Variants in PEX3 observed in about 807,000 individuals in gnomAD.
The protein encoded by PEX3 is peroxisomal biogenesis factor 3.
Under a neutral mutation model 55.8 loss-of-function variants are expected in PEX3, and 30 were observed. The observed-to-expected ratio is 0.54, with a 90% CI of 0.40 to 0.73. The LOEUF is 0.73. Among genes scored for constraint, PEX3 ranks in the 30% least tolerant of loss-of-function variants. The pLI is 0.00. For synonymous variants in PEX3, 135 were observed against 148.4 expected (o/e 0.91, Z 0.66); for missense variants, 351 against 432.8 (o/e 0.81, Z 1.68).
chr6:143,471,311 G>A lies in PEX3; in HGVS notation c.457-72G>A. 6 of 1,271,614 alleles carry A rather than the reference G, an allele frequency of 4.7e-6. No homozygotes were observed. Among genetic ancestry groups the A allele is most frequent in the Non-Finnish European group, 6.9e-6 (6 of 875,564 alleles). The allele number at this position is 1,271,614 out of a possible 1,614,324, so 78.8% of individuals were successfully genotyped here. A position where few individuals can be genotyped will look rare whatever the true frequency, so the allele number is the denominator to read the frequency against. On this transcript the variant is annotated intron_variant, in intron 5 of 11. Transcript: ENST00000367591. This position sits in a 1 kb window ranked among gnomAD's most constrained non-coding sequence, Gnocchi z 5.4. ...CAGATCTTGAAAAATCTCAGCCAAA[G>A]TTTTATTGAAAACATTTCTTATTTA...
chr6:143,456,095 A>T (rs1779841857), intron 1 of PEX3, among the ~76,000 whole-genome samples: 1 of 152,336 alleles, frequency 6.6e-6, no homozygotes, highest in East Asian at 1.9e-4. Context: ...AAATATTTTC[A>T]TTGTTAATAC....
intron 1 of PEX3, among the ~76,000 whole-genome samples, chr6:143,457,159 T>G: frequency 6.6e-6 from 1 of 152,240 alleles, no homozygotes; most frequent in East Asian, 1.9e-4. Flanking sequence ...ACATGTAACT[T>G]TCAGTAAGCT....
chr6:143,451,038 T>G lies in PEX3; in HGVS notation c.-5T>G, dbSNP rs778648080. On this transcript the variant is annotated 5_prime_UTR_variant, in exon 1 of 12. Coordinates refer to ENST00000367591, the MANE Select transcript of PEX3 (RefSeq NM_003630.3). The surrounding 1 kb of genome is among the most constrained non-coding windows in gnomAD (Gnocchi z 4.1). ...CTAGTCAGCCCACACCCCTAGGGCC[T>G]AAAGATGCTGAGGTCTGTATGGAAT... is the stretch of plus-strand genomic sequence containing the variant. 6.2e-7 allele frequency: 1 copy of G among 1,609,600 alleles called. No individual in the cohort carries two copies. The highest frequency in any genetic ancestry group is 1.3e-5 in the African/African-American group (1 of 74,766).
intron 1 of PEX3, among the ~76,000 whole-genome samples, chr6:143,452,549 C>CA (rs1298544830): frequency 1.3e-5 from 2 of 151,988 alleles, no homozygotes; most frequent in Non-Finnish European, 2.9e-5. Context: ...ACAGGGGAAG[C>CA]AAAAGAGTAT....
rs906751352 is a variant in PEX3, at chr6:143,464,341, A to G, written c.287+1344A>G. 1.3e-5 allele frequency among the ~76,000 whole-genome samples: 2 copies of G among 152,014 alleles called. No individual in the cohort carries two copies. The highest frequency in any genetic ancestry group is 2.9e-5 in the Non-Finnish European group (2 of 67,906). On this transcript the variant is annotated intron_variant, in intron 3 of 11. Transcript: ENST00000367591. The surrounding 1 kb of genome is among the most constrained non-coding windows in gnomAD (Gnocchi z 5.8). Reference sequence around the variant, plus strand: ...GTGAATCTGTTTCCTGCAAGGCCCTATGTTCCATGTGCTTTAGGGGATTTA... The same window carrying G: ...GTGAATCTGTTTCCTGCAAGGCCCTGTGTTCCATGTGCTTTAGGGGATTTA...
chr6:143,450,843 G>T lies in PEX3; in HGVS notation c.-200G>T. On this transcript the variant is annotated 5_prime_UTR_variant, in exon 1 of 12. Coordinates refer to ENST00000367591, the MANE Select transcript of PEX3 (RefSeq NM_003630.3). ...GGCTGCGCGGCGGCAGCGGCAGAAA[G>T]CGTAGCTGCTTTGCTGTAGTCCACG... 1 of 756,348 alleles carries T rather than the reference G, an allele frequency of 1.3e-6. No individual in the cohort carries two copies. Among genetic ancestry groups the T allele is most frequent in the Non-Finnish European group, 2.3e-6 (1 of 443,078 alleles). 46.9% of individuals were successfully genotyped at this position (756,348 alleles called of 1,614,324 possible). A position where few individuals can be genotyped will look rare whatever the true frequency, so the allele number is the denominator to read the frequency against.
Position 143,451,209 on chromosome 6 carries a change from T to TGG in PEX3, c.73+96_73+97dup. On this transcript the variant is annotated intron_variant, in intron 1 of 11. Coordinates refer to ENST00000367591, the MANE Select transcript of PEX3 (RefSeq NM_003630.3). The surrounding 1 kb of genome is among the most constrained non-coding windows in gnomAD (Gnocchi z 4.1). ...AAGGACAGGCCGGGCGATCCTAGTC[T>TGG]GGGATATGTAGAGGGAGTTCGATCA... 1 of 922,078 alleles carries TGG rather than the reference T, an allele frequency of 1.1e-6. No homozygotes were observed. Among genetic ancestry groups the TGG allele is most frequent in the South Asian group, 1.3e-5 (1 of 77,354 alleles). The allele number at this position is 922,078 out of a possible 1,614,324, so 57.1% of individuals were successfully genotyped here.
Position 143,479,056 on chromosome 6 carries a change from A to C in PEX3, c.819-20A>C. 6.7e-7 allele frequency: 1 copy of C among 1,493,386 alleles called. No homozygotes were observed. The highest frequency in any genetic ancestry group is 2.3e-5 in the East Asian group (1 of 44,198). 92.5% of individuals were successfully genotyped at this position (1,493,386 alleles called of 1,614,324 possible). On this transcript the variant is annotated intron_variant, in intron 9 of 11. Transcript: ENST00000367591. The surrounding 1 kb of genome is among the most constrained non-coding windows in gnomAD (Gnocchi z 4.6). ...CCATTCAGAGTCTAAAAAGTAACTT[A>C]TACTTCTTACTTTATATAGCCCAGA... is the stretch of plus-strand genomic sequence containing the variant.
At chr6:143,481,016 C>G (rs141101977) in intron 10 of PEX3, among the ~76,000 whole-genome samples, 3 of 150,642 alleles carry the variant, frequency 2.0e-5, no homozygotes, top group East Asian at 3.9e-4. Context: ...CCCTGCCCCC[C>G]CAAAAAAAGA....
At position 143,478,625 on chromosome 6, in the gene PEX3, C is replaced by T. The variant is rs560617802; in HGVS notation, c.819-451C>T. ...ATAATTAAGATCAAAAAACCCCGGTCTCATGTTTGAGCTCCCCAATTTACT... is the reference window on the plus strand; with the variant it reads ...ATAATTAAGATCAAAAAACCCCGGTTTCATGTTTGAGCTCCCCAATTTACT... On this transcript the variant is annotated intron_variant, in intron 9 of 11. Coordinates refer to ENST00000367591, the MANE Select transcript of PEX3 (RefSeq NM_003630.3). Among the ~76,000 whole-genome samples, 6 of 152,162 alleles carry T rather than the reference C, an allele frequency of 3.9e-5. No homozygotes were observed. In the South Asian group the frequency reaches 1.2e-3, roughly 32 times the overall value.
At chr6:143,460,804 C>T (rs967657774) in intron 2 of PEX3, among the ~76,000 whole-genome samples, 45 of 145,228 alleles carry the variant, frequency 3.1e-4, no homozygotes, top group African/African-American at 9.8e-4. Flanking sequence ...GTGGAGGTTG[C>T]GGTGAGCTGA....
Position 143,485,015 on chromosome 6 carries a change from G to A in PEX3, c.942-137G>A, listed in dbSNP as rs779244109. 2.7e-4 allele frequency: 181 copies of A among 671,224 alleles called. No individual in the cohort carries two copies. The highest frequency in any genetic ancestry group is 4.2e-4 in the Non-Finnish European group (159 of 375,180). The allele number at this position is 671,224 out of a possible 1,614,324, so 41.6% of individuals were successfully genotyped here. On this transcript the variant is annotated intron_variant, in intron 10 of 11. Coordinates refer to ENST00000367591, the MANE Select transcript of PEX3 (RefSeq NM_003630.3). This position sits in a 1 kb window ranked among gnomAD's most constrained non-coding sequence, Gnocchi z 5.6. The stretch of plus-strand genomic sequence containing the variant: ...TTAGAGTTGTTATTTCTAAGCGATA[G>A]AATTGTGGGGTTTTTTTTCCTTTTT...
intron 1 of PEX3, among the ~76,000 whole-genome samples, chr6:143,455,322 A>G (rs1374994333): frequency 7.0e-6 from 1 of 143,662 alleles, no homozygotes; most frequent in East Asian, 2.1e-4. Context: ...CCTCTTGAGT[A>G]GCTGGGACTG....
At chr6:143,470,044 G>T (rs894356221) in intron 4 of PEX3, among the ~76,000 whole-genome samples, 1 of 152,078 alleles carries the variant, frequency 6.6e-6, no homozygotes, top group Non-Finnish European at 1.5e-5. Context: ...CCACCTCCTG[G>T]GTTCAAGCGA....
At position 143,479,274 on chromosome 6, in the gene PEX3, A is replaced by T. The variant is rs944086734; in HGVS notation, c.941+76A>T. The T allele has an allele frequency of 2.9e-5, 34 of 1,166,546 alleles. No individual in the cohort carries two copies. The highest frequency in any genetic ancestry group is 4.1e-5 in the Non-Finnish European group (32 of 777,412). 72.3% of individuals were successfully genotyped at this position (1,166,546 alleles called of 1,614,324 possible). The stretch of plus-strand genomic sequence containing the variant: ...TGCTTTGCTTGTCTTTTTGTTCCAG[A>T]TAACAACAACAAACCTATTAAATTT... On this transcript the variant is annotated intron_variant, in intron 10 of 11. Transcript: ENST00000367591. The surrounding 1 kb of genome is among the most constrained non-coding windows in gnomAD (Gnocchi z 4.6).
chr6:143,485,479 A>C lies in PEX3; in HGVS notation c.1038+231A>C, dbSNP rs1780305812. 6.6e-6 allele frequency among the ~76,000 whole-genome samples: 1 copy of C among 152,038 alleles called. No individual in the cohort carries two copies. Among genetic ancestry groups the C allele is most frequent in the Admixed American group, 6.6e-5 (1 of 15,234 alleles). The stretch of plus-strand genomic sequence containing the variant: ...TGTTGTAGTCCAACACTGTGGGACT[A>C]CATTTTAGTCCAGGTGTATTATAGT... On this transcript the variant is annotated intron_variant, in intron 11 of 11. Coordinates refer to ENST00000367591, the MANE Select transcript of PEX3 (RefSeq NM_003630.3). This position sits in a 1 kb window ranked among gnomAD's most constrained non-coding sequence, Gnocchi z 5.6.
chr6:143,461,368 T>C (rs769741423), intron 2 of PEX3, among the ~76,000 whole-genome samples: 57 of 152,328 alleles, frequency 3.7e-4, no homozygotes, highest in Middle Eastern at 6.8e-3. Flanking sequence ...GTTTCCATGA[T>C]GCAACCCTAA....
rs944539256 is a variant in PEX3, at chr6:143,476,810, G to A, written c.818+1954G>A. 1.3e-5 allele frequency among the ~76,000 whole-genome samples: 2 copies of A among 152,094 alleles called. No homozygotes were observed. The highest frequency in any genetic ancestry group is 6.6e-5 in the Admixed American group (1 of 15,260). ...CAAGTTAGTTTACAAATATAATGTTGGGAGTCATCACTTTGTATATGGTAT... is the reference window on the plus strand; with the variant it reads ...CAAGTTAGTTTACAAATATAATGTTAGGAGTCATCACTTTGTATATGGTAT... On this transcript the variant is annotated intron_variant, in intron 9 of 11. Transcript: ENST00000367591. The surrounding 1 kb of genome is among the most constrained non-coding windows in gnomAD (Gnocchi z 5.4).
At chr6:143,473,664 G>A (rs1422111192) in intron 8 of PEX3, among the ~76,000 whole-genome samples, 1 of 152,060 alleles carries the variant, frequency 6.6e-6, no homozygotes, top group Non-Finnish European at 1.5e-5. Flanking sequence ...AGGAGTTCAG[G>A]ACCAGCCTGG....
Sources: gnomAD v4.1 joint callset for allele counts (sites outside exome capture counted in the v4.1 genomes callset) on GRCh38, gnomAD v4.1.1 for gene constraint, Gnocchi (gnomAD v3.1) non-coding constraint, MANE v1.5 for transcripts, NCBI Gene and HGNC (gene_info 2026-07-23, HGNC 2026-07-21) for gene names.